MGAT4C: variants seen among roughly 807,000 people sequenced by gnomAD.
The protein encoded by MGAT4C is alpha-1,3-mannosyl-glycoprotein 4-beta-N-acetylglucosaminyltransferase C.
MGAT4C carries 19 observed loss-of-function variants against 40.1 expected under a neutral mutation model. The ratio of observed to expected loss-of-function variants is 0.47; its 90% CI spans 0.33 to 0.70. The LOEUF is 0.70. Among genes scored for constraint, MGAT4C ranks in the 30% least tolerant of loss-of-function variants. The pLI, the probability that MGAT4C is intolerant of heterozygous loss-of-function variation, is 0.02. For synonymous variants in MGAT4C, 181 were observed against 187.1 expected, an observed-to-expected ratio of 0.97 and a Z score of 0.27; for missense variants, 491 against 563.2, an observed-to-expected ratio of 0.87 and a Z score of 1.30.
At chr12:86,704,297 A>G (rs1201056754) in intron 2 of MGAT4C, among the ~76,000 whole-genome samples, 2 of 152,080 alleles carry the variant, frequency 1.3e-5, no homozygotes, top group African/African-American at 4.8e-5. Flanking sequence ...GCTTGGATAG[A>G]GAATGATAGA....
intron 2 of MGAT4C, among the ~76,000 whole-genome samples, chr12:86,642,040 T>G (rs771278864): frequency 2.0e-5 from 3 of 151,798 alleles, no homozygotes; most frequent in Admixed American, 6.6e-5. Flanking sequence ...ACATGCTACT[T>G]AAAAATGCAA....
At chr12:86,428,630 C>T (rs1956976467) in intron 3 of MGAT4C, among the ~76,000 whole-genome samples, 1 of 152,136 alleles carries the variant, frequency 6.6e-6, no homozygotes, top group Non-Finnish European at 1.5e-5. Flanking sequence ...GAGACTTTTT[C>T]TTACTTATTA....
chr12:86,316,000 A>T (rs118045665), intron 4 of MGAT4C, among the ~76,000 whole-genome samples: 1 of 150,842 alleles, frequency 6.6e-6, no homozygotes, highest in South Asian at 2.1e-4. Context: ...ACAATTCAAC[A>T]AGCAGAAAGC....
intron 2 of MGAT4C, among the ~76,000 whole-genome samples, chr12:86,598,333 T>C (rs1961620673): frequency 6.6e-6 from 1 of 152,022 alleles, no homozygotes; most frequent in East Asian, 1.9e-4. Context: ...CATTGAAAAA[T>C]AAAGAAAACA....
At chr12:86,611,436 CAGAT>C (rs1555210961) in intron 2 of MGAT4C, among the ~76,000 whole-genome samples, 9 of 123,234 alleles carry the variant, frequency 7.3e-5, no homozygotes, top group Middle Eastern at 3.9e-3. Context: ...AGATAGATGA[CAGAT>C]AGATAGATAG....
intron 1 of MGAT4C, among the ~76,000 whole-genome samples, chr12:86,180,918 A>G (rs1888047212): frequency 6.6e-6 from 1 of 152,126 alleles, no homozygotes. Flanking sequence ...ATGTAAGGAC[A>G]TGAGATTTGG....
intron 1 of MGAT4C, among the ~76,000 whole-genome samples, chr12:86,058,192 C>T (rs951588547): frequency 1.3e-5 from 2 of 152,024 alleles, no homozygotes; most frequent in African/African-American, 2.4e-5. Context: ...TACACTCATG[C>T]ATATAAATGC....
chr12:86,425,593 T>C (rs563669809), intron 3 of MGAT4C, among the ~76,000 whole-genome samples: 13 of 152,346 alleles, frequency 8.5e-5, no homozygotes, highest in African/African-American at 3.1e-4. Flanking sequence ...ATTACTATAC[T>C]GTTATACATA....
chr12:86,711,961 G>A (rs1950563557), intron 2 of MGAT4C, among the ~76,000 whole-genome samples: 1 of 152,048 alleles, frequency 6.6e-6, no homozygotes, highest in South Asian at 2.1e-4. Context: ...TCCTGCCCTG[G>A]GAGCAGACTA....
At chr12:86,532,261 T>C (rs750474141) in intron 2 of MGAT4C, among the ~76,000 whole-genome samples, 26 of 151,998 alleles carry the variant, frequency 1.7e-4, no homozygotes, top group Non-Finnish European at 3.5e-4. Flanking sequence ...ATAACACTTA[T>C]TCAGTTATAA....
At chr12:86,493,632 C>T (rs1958180386) in intron 2 of MGAT4C, among the ~76,000 whole-genome samples, 1 of 149,516 alleles carries the variant, frequency 6.7e-6, no homozygotes, top group African/African-American at 2.5e-5. Context: ...GAACATCACA[C>T]TCTGGGGACT....
chr12:85,976,040 A>T lies in MGAT4C; in HGVS notation c.*3249T>A, dbSNP rs1371459656. 2 of 151,094 alleles carry T rather than the reference A, an allele frequency of 1.3e-5. No individual in the cohort carries two copies. Among genetic ancestry groups the T allele is most frequent in the African/African-American group, 4.8e-5 (2 of 41,360 alleles). 9.4% of individuals were successfully genotyped at this position (151,094 alleles called of 1,614,324 possible). ...ATATGCCAATATTTGAGCATCTAAA[A>T]ATGTAGGTACTTTCCATACCACATC... is the stretch of plus-strand genomic sequence containing the variant. On this transcript the variant is annotated 3_prime_UTR_variant, in exon 5 of 5. Coordinates refer to ENST00000611864, the MANE Select transcript of MGAT4C (RefSeq NM_001351288.2).
chr12:86,508,222 C>T (rs569585842), intron 2 of MGAT4C, among the ~76,000 whole-genome samples: 11 of 151,852 alleles, frequency 7.2e-5, no homozygotes, highest in South Asian at 2.1e-4. Flanking sequence ...CCCCACCATA[C>T]GACAGTCCCC....
intron 1 of MGAT4C, among the ~76,000 whole-genome samples, chr12:86,091,846 T>C (rs1416664227): frequency 6.6e-6 from 1 of 151,250 alleles, no homozygotes; most frequent in Non-Finnish European, 1.5e-5. Flanking sequence ...CCTCTGGCAT[T>C]CACCAGAGAC....
chr12:86,555,892 C>T (rs935558841), intron 2 of MGAT4C, among the ~76,000 whole-genome samples: 3 of 152,134 alleles, frequency 2.0e-5, no homozygotes, highest in African/African-American at 7.2e-5. Context: ...TTTGACTCCC[C>T]CTGACTTCAT....
chr12:86,647,218 T>C (rs1429821867), intron 2 of MGAT4C, among the ~76,000 whole-genome samples: 1 of 151,930 alleles, frequency 6.6e-6, no homozygotes, highest in African/African-American at 2.4e-5. Context: ...CAAAGAATCA[T>C]GAGGAATTAT....
At chr12:86,580,306 G>A (rs970171707) in intron 2 of MGAT4C, among the ~76,000 whole-genome samples, 2 of 151,334 alleles carry the variant, frequency 1.3e-5, no homozygotes, top group African/African-American at 4.8e-5. Flanking sequence ...AACACATTTT[G>A]TCTCTCTTCT....
intron 2 of MGAT4C, among the ~76,000 whole-genome samples, chr12:86,614,216 G>T (rs1962376212): frequency 6.6e-6 from 1 of 152,118 alleles, no homozygotes; most frequent in Non-Finnish European, 1.5e-5. Flanking sequence ...ATGATAGGCT[G>T]CTCTGTAACA....
intron 2 of MGAT4C, among the ~76,000 whole-genome samples, chr12:86,519,054 G>C (rs1046293226): frequency 6.6e-6 from 1 of 152,168 alleles, no homozygotes; most frequent in Non-Finnish European, 1.5e-5. Flanking sequence ...GGAAGGCGGA[G>C]ATTGTCTGAA....
Sources: allele counts gnomAD v4.1 joint callset (sites outside exome capture counted in the v4.1 genomes callset), GRCh38; gene constraint gnomAD v4.1.1; transcripts MANE v1.5; gene names NCBI Gene and HGNC (gene_info 2026-07-23, HGNC 2026-07-21).